Variants in CFTR observed in about 807,000 individuals in gnomAD.
CFTR encodes the protein cystic fibrosis transmembrane conductance regulator.
In CFTR, 181 loss-of-function variants were observed where a neutral mutation model predicts 171.6. The ratio of observed to expected loss-of-function variants is 1.05; its 90% CI spans 0.93 to 1.19. CFTR has a LOEUF of 1.19. Ranked by LOEUF, CFTR falls within the 50% of genes most tolerant of loss-of-function variation. The pLI is 0.00. For missense variants in CFTR, 1,968 were observed against 1,734.7 expected, an observed-to-expected ratio of 1.13 and a Z score of -2.39; for synonymous variants, 583 against 608.0, an observed-to-expected ratio of 0.96 and a Z score of 0.60.
At chr7:117,652,533 T>G (rs1376374883) in intron 23 of CFTR, among the ~76,000 whole-genome samples, 1 of 152,140 alleles carries the variant, frequency 6.6e-6, no homozygotes, top group African/African-American at 2.4e-5. Flanking sequence ...TAAGGAATAT[T>G]GCTAGGAATA....
At chr7:117,578,284 C>T (rs1362771920) in intron 11 of CFTR, among the ~76,000 whole-genome samples, 4 of 151,876 alleles carry the variant, frequency 2.6e-5, no homozygotes, top group African/African-American at 4.8e-5. Context: ...ACTATGAGGA[C>T]GAAGACCTTT....
chr7:117,612,023 GTATATATATATATATATA>G (rs772661286), intron 20 of CFTR, among the ~76,000 whole-genome samples: 1 of 53,242 alleles, frequency 1.9e-5, no homozygotes, highest in Non-Finnish European at 3.2e-5. Context: ...ATATATATAT[GTATATATATATATATATA>G]TATATATATA....
intron 9 of CFTR, among the ~76,000 whole-genome samples, chr7:117,548,313 C>T (rs1799196083): frequency 6.8e-6 from 1 of 146,944 alleles, no homozygotes; most frequent in African/African-American, 2.5e-5. Context: ...TGTTTATGTA[C>T]CCCGCTTATA....
At chr7:117,564,090 A>C (rs1467534518) in intron 11 of CFTR, among the ~76,000 whole-genome samples, 1 of 152,128 alleles carries the variant, frequency 6.6e-6, no homozygotes, top group African/African-American at 2.4e-5. Context: ...TCAACTCCAA[A>C]ATCTTTATTT....
chr7:117,666,096 C>T (rs34260394), intron 26 of CFTR, among the ~76,000 whole-genome samples: 7,365 of 152,208 alleles, frequency 0.048, 614 homozygotes, highest in African/African-American at 0.17. Flanking sequence ...CAGTGGCTTA[C>T]ATCTGTAATC....
chr7:117,532,431 G>GT (rs1275115666), intron 4 of CFTR, among the ~76,000 whole-genome samples: 4 of 152,150 alleles, frequency 2.6e-5, no homozygotes, highest in Non-Finnish European at 4.4e-5. Flanking sequence ...TTATGGATAA[G>GT]TAAACTAAGA....
intron 3 of CFTR, among the ~76,000 whole-genome samples, chr7:117,524,010 G>A (rs1199553768): frequency 6.6e-6 from 1 of 151,978 alleles, no homozygotes; most frequent in African/African-American, 2.4e-5. Flanking sequence ...TAAAATATTT[G>A]CATACTTGCT....
intron 15 of CFTR, among the ~76,000 whole-genome samples, chr7:117,601,659 A>G (rs558254740): frequency 1.3e-5 from 2 of 152,198 alleles, no homozygotes; most frequent in East Asian, 3.9e-4. Flanking sequence ...TTTACTCACA[A>G]CTGTTTGTTT....
At chr7:117,544,234 G>C (rs1161361337) in intron 9 of CFTR, among the ~76,000 whole-genome samples, 1 of 151,666 alleles carries the variant, frequency 6.6e-6, no homozygotes, top group South Asian at 2.1e-4. Context: ...TGCTATCTGG[G>C]TAACAGTAGT....
intron 14 of CFTR, 39 bp from the exon 15 acceptor site, chr7:117,594,891 G>A (rs1306641328): frequency 6.2e-7 from 1 of 1,601,290 alleles, no homozygotes; most frequent in Non-Finnish European, 8.6e-7. Context: ...GCATGAAACT[G>A]TACTGTCTTA....
intron 9 of CFTR, among the ~76,000 whole-genome samples, chr7:117,543,411 CATT>C (rs1799090003): frequency 6.6e-6 from 1 of 152,232 alleles, no homozygotes; most frequent in African/African-American, 2.4e-5. Flanking sequence ...ACTTTCAGGT[CATT>C]ATTTTCCTAC....
intron 22 of CFTR, among the ~76,000 whole-genome samples, chr7:117,634,814 A>T (rs1219690434): frequency 6.6e-6 from 1 of 152,066 alleles, no homozygotes; most frequent in African/African-American, 2.4e-5. Context: ...CTGAGAGCAT[A>T]TATTGTATAA....
In CFTR at chr7:117,667,378, T is replaced by A; in HGVS notation, c.*270T>A. On this transcript the variant is annotated 3_prime_UTR_variant, in exon 27 of 27. Coordinates refer to ENST00000003084, the MANE Select transcript of CFTR (RefSeq NM_000492.4). The stretch of plus-strand genomic sequence containing the variant: ...ACCACTTGTGTTTTGCAAGCCAGAT[T>A]TTCCTGAAAACCCTTGCCATGTGCT... The A allele has an allele frequency of 2.3e-6, 1 of 433,326 alleles. No individual in the cohort carries two copies. The highest frequency in any genetic ancestry group is 4.3e-6 in the Non-Finnish European group (1 of 231,956). The allele number at this position is 433,326 out of a possible 1,614,324, so 26.8% of individuals were successfully genotyped here. A position where few individuals can be genotyped will look rare whatever the true frequency, so the allele number is the denominator to read the frequency against.
chr7:117,599,391 T>C (rs1792188306), intron 15 of CFTR, among the ~76,000 whole-genome samples: 1 of 152,290 alleles, frequency 6.6e-6, no homozygotes, highest in Non-Finnish European at 1.5e-5. Context: ...TAATTAAGTG[T>C]TGATCTGCTT....
In CFTR at chr7:117,480,090, A is replaced by G; in HGVS notation, c.-5A>G. ...CCTAGCAGGGACCCCAGCGCCCGAG[A>G]GACCATGCAGAGGTCGCCTCTGGAA... On this transcript the variant is annotated 5_prime_UTR_variant, in exon 1 of 27. Transcript: ENST00000003084. 1 of 1,613,906 alleles carries G rather than the reference A, an allele frequency of 6.2e-7. No individual in the cohort carries two copies. The highest frequency in any genetic ancestry group is 8.5e-7 in the Non-Finnish European group (1 of 1,179,936).
At chr7:117,650,940 A>G (rs983141285) in intron 23 of CFTR, among the ~76,000 whole-genome samples, 34 of 152,178 alleles carry the variant, frequency 2.2e-4, no homozygotes, top group African/African-American at 8.2e-4. Context: ...GCACGGGTTT[A>G]GAGACAAACA....
chr7:117,581,412 G>A (rs1057438343), intron 11 of CFTR, among the ~76,000 whole-genome samples: 1 of 152,058 alleles, frequency 6.6e-6, no homozygotes, highest in Non-Finnish European at 1.5e-5. Flanking sequence ...GTAGAATGGG[G>A]CATATTATCA....
chr7:117,552,953 A>T (rs143279418), intron 10 of CFTR, among the ~76,000 whole-genome samples: 1 of 152,152 alleles, frequency 6.6e-6, no homozygotes, highest in Non-Finnish European at 1.5e-5. Flanking sequence ...TTAGTCCATG[A>T]GGGTGAAGTC....
At chr7:117,597,813 TAAA>T (rs34276900) in intron 15 of CFTR, among the ~76,000 whole-genome samples, 1 of 133,070 alleles carries the variant, frequency 7.5e-6, no homozygotes, top group Non-Finnish European at 1.7e-5. Flanking sequence ...ATCACCAAGT[TAAA>T]AAAAAAAAAG....
Sources: allele counts gnomAD v4.1 joint callset (sites outside exome capture counted in the v4.1 genomes callset), GRCh38; gene constraint gnomAD v4.1.1; transcripts MANE v1.5; gene names NCBI Gene and HGNC (gene_info 2026-07-23, HGNC 2026-07-21).